The following CPAMD8 variants were observed in gnomAD, a reference collection of about 807,000 sequenced individuals.
CPAMD8 encodes C3 and PZP-like alpha-2-macroglobulin domain-containing protein 8.
A neutral mutation model predicts 224.7 loss-of-function variants in CPAMD8; 146 were observed. That is an observed-to-expected ratio of 0.65 (90% confidence interval 0.57 to 0.75). The LOEUF (loss-of-function observed/expected upper bound fraction) is 0.75. Ranked by LOEUF, CPAMD8 falls within the 30% of genes least tolerant of loss-of-function variation. The pLI, the probability that CPAMD8 is intolerant of heterozygous loss-of-function variation, is 0.00. For synonymous variants in CPAMD8, 966 were observed against 1,044.6 expected (o/e 0.92, Z 1.45); for missense variants, 2,301 against 2,537.5 (o/e 0.91, Z 2.00).
chr19:16,931,662 A>G (rs2053549690), intron 23 of CPAMD8, among the ~76,000 whole-genome samples: 1 of 152,170 alleles, frequency 6.6e-6, no homozygotes, highest in Non-Finnish European at 1.5e-5. Flanking sequence ...CACTGGTACC[A>G]GTGTAGAATG....
At chr19:16,986,599 G>T (rs2055730135) in intron 13 of CPAMD8, among the ~76,000 whole-genome samples, 2 of 152,130 alleles carry the variant, frequency 1.3e-5, no homozygotes, top group African/African-American at 4.8e-5. Context: ...CAGGAAACAG[G>T]CAGCCTTGGC....
rs2052154698 is a variant in CPAMD8 at position 16,899,271 on chromosome 19, G to T, written c.4848+204C>A. Among the ~76,000 whole-genome samples, 1 of 152,078 alleles carries T rather than the reference G, an allele frequency of 6.6e-6. No homozygotes were observed. Among genetic ancestry groups the T allele is most frequent in the Non-Finnish European group, 1.5e-5 (1 of 68,008 alleles). On this transcript the variant is annotated intron_variant, in intron 37 of 41. Coordinates refer to ENST00000443236, the MANE Select transcript of CPAMD8 (RefSeq NM_015692.5). The surrounding 1 kb of genome is among the most constrained non-coding windows in gnomAD (Gnocchi z 5.4). Reference sequence around the variant, plus strand: ...GGGGTCTCGCCATGTTGCCCAGGCTGGTCTCGAACCCCTGAGCTCAAGTGA... The same window carrying T: ...GGGGTCTCGCCATGTTGCCCAGGCTTGTCTCGAACCCCTGAGCTCAAGTGA...
At chr19:16,966,322 A>G (rs1381157496) in intron 18 of CPAMD8, among the ~76,000 whole-genome samples, 2 of 152,226 alleles carry the variant, frequency 1.3e-5, no homozygotes, top group East Asian at 3.8e-4. Context: ...CCTTCCTTAC[A>G]TCTTATACAA....
chr19:16,906,823 C>G (rs1193494097), intron 30 of CPAMD8, 129 bp downstream of exon 30: 1 of 933,942 alleles, frequency 1.1e-6, no homozygotes, highest in Non-Finnish European at 1.6e-6. Context: ...GATTCTCCTG[C>G]CTCAGCCTCC....
chr19:16,925,422 G>C, intron 25 of CPAMD8, 50 bp from the exon 26 acceptor site: 3 of 1,430,920 alleles, frequency 2.1e-6, no homozygotes, highest in Non-Finnish European at 2.0e-6. Context: ...CAGTTCAGTA[G>C]AGAACAGGGA....
intron 24 of CPAMD8, 115 bp downstream of exon 24, chr19:16,928,827 C>T: frequency 1.3e-6 from 1 of 777,666 alleles, no homozygotes; most frequent in Non-Finnish European, 2.0e-6. Context: ...GGTGGTGCTC[C>T]ATGTTTCCCT....
At chr19:16,954,642 T>C (rs960979982) in intron 19 of CPAMD8, among the ~76,000 whole-genome samples, 5 of 152,068 alleles carry the variant, frequency 3.3e-5, no homozygotes, top group African/African-American at 1.2e-4. Context: ...AGAAAATAAA[T>C]GGATAAACAA....
At chr19:16,934,511 T>C (rs921523301) in intron 23 of CPAMD8, among the ~76,000 whole-genome samples, 1 of 152,170 alleles carries the variant, frequency 6.6e-6, no homozygotes, top group East Asian at 1.9e-4. Context: ...GAACAGTTAT[T>C]ATGAAACATT....
intron 3 of CPAMD8, 135 bp from the exon 4 acceptor site, chr19:17,011,892 G>C (rs1207687204): frequency 2.5e-5 from 24 of 979,474 alleles, no homozygotes; most frequent in Non-Finnish European, 3.4e-5. Flanking sequence ...ACACTTGGCA[G>C]TTTCTGGAGA....
chr19:16,921,850 C>T (rs2053186077), intron 27 of CPAMD8, 55 bp downstream of exon 27: 8 of 1,156,106 alleles, frequency 6.9e-6, no homozygotes, highest in Non-Finnish European at 8.7e-6. Context: ...GGATGTGAGG[C>T]CATGGCGTCG....
intron 7 of CPAMD8, among the ~76,000 whole-genome samples, chr19:17,005,718 G>A (rs1213555039): frequency 2.0e-5 from 3 of 152,100 alleles, no homozygotes; most frequent in Non-Finnish European, 2.9e-5. Flanking sequence ...CGACAGAACC[G>A]AAAACCCATA....
At position 16,902,312 on chromosome 19, in the gene CPAMD8, C is replaced by T. The variant is rs8101687; in HGVS notation, c.4685+337G>A. Among the ~76,000 whole-genome samples, 1,379 of 152,084 alleles carry T rather than the reference C, an allele frequency of 9.1e-3. 18 individuals carry two copies. The highest frequency in any genetic ancestry group is 0.032 in the African/African-American group (1,332 of 41,464). ...CGGGCAGATCACGAGGTCAGGAGTT[C>T]GAGACCAGCCTGGCCAACATGGTGA... On this transcript the variant is annotated intron_variant, in intron 35 of 41. Coordinates refer to ENST00000443236, the MANE Select transcript of CPAMD8 (RefSeq NM_015692.5).
intron 18 of CPAMD8, among the ~76,000 whole-genome samples, chr19:16,967,731 AC>A (rs918136868): frequency 3.3e-5 from 5 of 150,688 alleles, no homozygotes; most frequent in Admixed American, 6.6e-5. Flanking sequence ...ATGGCATGAA[AC>A]CGGTAGGCAG....
Position 16,967,889 on chromosome 19 carries a change from A to ATGTGTGTGTATATATGCG in CPAMD8, c.2213+3001_2213+3002insCGCATATATACACACACA, listed in dbSNP as rs1568539943. On this transcript the variant is annotated intron_variant, in intron 18 of 41. Transcript: ENST00000443236. ...TGTATATATGTGCATATATACACAC[A>ATGTGTGTGTATATATGCG]CATGTGTGTGTATATATGTGCATAT... Among the ~76,000 whole-genome samples, 8 of 89,564 alleles carry ATGTGTGTGTATATATGCG rather than the reference A, an allele frequency of 8.9e-5. 1 individual carries two copies. Among genetic ancestry groups the ATGTGTGTGTATATATGCG allele is most frequent in the African/African-American group, 3.8e-4 (8 of 21,238 alleles). The allele number at this position is 89,564 out of a possible 152,430, so 58.8% of individuals were successfully genotyped here.
At chr19:17,005,372 C>G (rs1185577194) in intron 7 of CPAMD8, among the ~76,000 whole-genome samples, 1 of 152,056 alleles carries the variant, frequency 6.6e-6, no homozygotes, top group Non-Finnish European at 1.5e-5. Flanking sequence ...GGCAGAATCG[C>G]CTGTCCGACC....
chr19:17,011,879 G>A, intron 3 of CPAMD8, 122 bp from the exon 4 acceptor site: 4 of 1,113,238 alleles, frequency 3.6e-6, no homozygotes, highest in Non-Finnish European at 3.8e-6. Context: ...GTGCCCCAGG[G>A]GGACACTTGG....
intron 1 of CPAMD8, among the ~76,000 whole-genome samples, chr19:17,025,366 C>G (rs1047465396): frequency 1.3e-5 from 2 of 152,150 alleles, no homozygotes; most frequent in Non-Finnish European, 2.9e-5. Flanking sequence ...AAGCCAAGAT[C>G]GTGCCATTGC....
At chr19:16,961,375 C>G (rs1189601955) in intron 18 of CPAMD8, among the ~76,000 whole-genome samples, 1 of 152,266 alleles carries the variant, frequency 6.6e-6, no homozygotes, top group Non-Finnish European at 1.5e-5. Flanking sequence ...CCATGCCTGG[C>G]TGGGCGGGTC....
At chr19:16,948,403 G>A (rs1196102946) in intron 20 of CPAMD8, among the ~76,000 whole-genome samples, 1 of 152,080 alleles carries the variant, frequency 6.6e-6, no homozygotes, top group East Asian at 1.9e-4. Context: ...GCTGCTGCAG[G>A]GTGCACATCA....
Sources: allele counts gnomAD v4.1 joint callset (sites outside exome capture counted in the v4.1 genomes callset), GRCh38; gene constraint gnomAD v4.1.1; non-coding constraint Gnocchi (gnomAD v3.1); transcripts MANE v1.5; gene names NCBI Gene and HGNC (gene_info 2026-07-23, HGNC 2026-07-21).